The following GRIP2 variants were observed in gnomAD, a reference collection of about 807,000 sequenced individuals.
GRIP2 encodes the protein glutamate receptor interacting protein 2, also known as glutamate receptor-interacting protein 2.
A neutral mutation model predicts 108.3 loss-of-function variants in GRIP2; 58 were observed. That is an observed-to-expected ratio of 0.54 (90% CI 0.43 to 0.67). The LOEUF is 0.67. Ranked by LOEUF, GRIP2 falls within the 30% of genes least tolerant of loss-of-function variation. The probability of loss-of-function intolerance (pLI) is 0.00; values close to 1 mark genes in which losing one functional copy is unlikely to be tolerated. For missense variants in GRIP2, 1,278 were observed against 1,430.6 expected (o/e 0.89, Z 1.72); for synonymous variants, 586 against 598.2 (o/e 0.98, Z 0.30).
chr3:14,535,086 G>A (rs1318956075), intron 1 of GRIP2, among the ~76,000 whole-genome samples: 2 of 152,028 alleles, frequency 1.3e-5, no homozygotes, highest in Non-Finnish European at 2.9e-5. Flanking sequence ...ATGATTTGCA[G>A]GGACGGTGAG....
chr3:14,576,057 T>A, the GRIP2 span, among the ~76,000 whole-genome samples: 1 of 152,122 alleles, frequency 6.6e-6, no homozygotes, highest in African/African-American at 2.4e-5. Context: ...AGGACTGTTG[T>A]GTTATAAAAG....
chr3:14,557,384 C>T (rs768756010), upstream of GRIP2, among the ~76,000 whole-genome samples: 5 of 152,214 alleles, frequency 3.3e-5, no homozygotes, highest in Non-Finnish European at 7.3e-5. Flanking sequence ...TAATTTTAAA[C>T]AAAGACAGAG....
intron 3 of GRIP2, among the ~76,000 whole-genome samples, chr3:14,524,867 C>T (rs1360663284): frequency 1.3e-5 from 2 of 152,206 alleles, no homozygotes; most frequent in South Asian, 4.1e-4. Context: ...TCACCACCAA[C>T]CTTCCTGCTG....
intron 1 of GRIP2, among the ~76,000 whole-genome samples, chr3:14,551,380 T>G (rs1575035998): frequency 6.6e-6 from 1 of 152,302 alleles, no homozygotes; most frequent in East Asian, 1.9e-4. Flanking sequence ...GTTGGGGCAT[T>G]CAGGGAGGAG....
chr3:14,535,915 T>C (rs1376113270), intron 1 of GRIP2, among the ~76,000 whole-genome samples: 1 of 152,208 alleles, frequency 6.6e-6, no homozygotes, highest in African/African-American at 2.4e-5. Context: ...CACTGAGGGC[T>C]GGAACAGGCC....
At chr3:14,504,137 G>C (rs376263300) in intron 20 of GRIP2, among the ~76,000 whole-genome samples, 1 of 152,094 alleles carries the variant, frequency 6.6e-6, no homozygotes, top group Non-Finnish European at 1.5e-5. Context: ...TGGGGAAGGG[G>C]TCGAGACCAC....
chr3:14,589,227 C>G, the GRIP2 span, among the ~76,000 whole-genome samples: 1 of 152,108 alleles, frequency 6.6e-6, no homozygotes, highest in Non-Finnish European at 1.5e-5. Context: ...ACAAATGTAC[C>G]CATCACTCTT....
intron 10 of GRIP2, among the ~76,000 whole-genome samples, chr3:14,517,458 T>C (rs552369400): frequency 6.8e-6 from 1 of 146,588 alleles, no homozygotes; most frequent in East Asian, 2.0e-4. Flanking sequence ...ACTGGCATGC[T>C]AGATGACAAT....
rs974084250 is a variant in GRIP2, at chr3:14,540,009, C to T, written c.40+260G>A. Among the ~76,000 whole-genome samples the T allele has an allele frequency of 1.1e-4, 17 of 152,126 alleles. No individual in the cohort carries two copies. Among genetic ancestry groups the T allele is most frequent in the Non-Finnish European group, 2.2e-4 (15 of 67,996 alleles). ...CCCCTACAAGGCTGAGCACTGCCCT[C>T]GGAACCTCCAGACCCGCCTGTTCTG... On this transcript the variant is annotated intron_variant, in intron 1 of 23. Coordinates refer to ENST00000621039, the MANE Select transcript of GRIP2 (RefSeq NM_001080423.4). This position sits in a 1 kb window ranked among gnomAD's most constrained non-coding sequence, Gnocchi z 4.1.
Position 14,512,728 on chromosome 3 carries a change from A to G in GRIP2, c.1720+49T>C, listed in dbSNP as rs375693337. 1.3e-6 allele frequency: 2 copies of G among 1,551,784 alleles called. No individual in the cohort carries two copies. Among genetic ancestry groups the G allele is most frequent in the Non-Finnish European group, 1.8e-6 (2 of 1,127,224 alleles). On this transcript the variant is annotated intron_variant, in intron 14 of 23. Transcript: ENST00000621039. The surrounding 1 kb of genome is among the most constrained non-coding windows in gnomAD (Gnocchi z 5.1). The stretch of plus-strand genomic sequence containing the variant: ...TGAGCTTGGCAAGCTCTTTTTCCCC[A>G]GCAGTTGAGCTCGCTCCCAGGGGCA...
At chr3:14,506,690 G>T in intron 19 of GRIP2, 111 bp downstream of exon 19, 2 of 1,060,970 alleles carry the variant, frequency 1.9e-6, no homozygotes, top group Non-Finnish European at 1.3e-6. Flanking sequence ...AAGGATGCCA[G>T]GAGAGGAGCG....
chr3:14,509,868 A>G lies in GRIP2; in HGVS notation c.2030T>C (p.Phe677Ser), dbSNP rs772561250. The G allele has an allele frequency of 1.3e-6, 2 of 1,542,128 alleles. No homozygotes were observed. The highest frequency in any genetic ancestry group is 2.5e-5 in the South Asian group (2 of 81,386). Residue 677 changes from phenylalanine (F) to serine (S), a missense_variant, in exon 17 of 24, where the codon TTT becomes TCT. Phe to Ser is a radical substitution (Grantham distance 155, BLOSUM62 -2). Transcript: ENST00000621039. ...GITISGTEEP[F>S]DPIVISGLTK... is the part of the protein sequence containing the mutation. ...GAGGCCTGAGATGACAATGGGGTCA[A>G]AAGGTTCCTCCGTGCCCGAAATGGT...
chr3:14,523,471 A>G lies in GRIP2; in HGVS notation c.490+141T>C, dbSNP rs1469587647. 12 of 650,992 alleles carry G rather than the reference A, an allele frequency of 1.8e-5. No individual in the cohort carries two copies. In the Admixed American group the frequency reaches 2.4e-4, roughly 13 times the overall value. The allele number at this position is 650,992 out of a possible 1,614,324, so 40.3% of individuals were successfully genotyped here. A position where few individuals can be genotyped will look rare whatever the true frequency, so the allele number is the denominator to read the frequency against. ...TGCTTGGCAGATTTTCCCACTGAATACTTACCTTAACGGTCCTGTGTTCTT... is the reference window on the plus strand; with the variant it reads ...TGCTTGGCAGATTTTCCCACTGAATGCTTACCTTAACGGTCCTGTGTTCTT... On this transcript the variant is annotated intron_variant, in intron 5 of 23. Transcript: ENST00000621039.
Position 14,522,944 on chromosome 3 carries a change from G to A in GRIP2, c.566+56C>T, listed in dbSNP as rs965071432. On this transcript the variant is annotated intron_variant, in intron 6 of 23. Transcript: ENST00000621039. The surrounding 1 kb of genome is among the most constrained non-coding windows in gnomAD (Gnocchi z 4.3). Reference sequence around the variant, plus strand: ...ATGGTGACCCCACTCCACCTTCTTCGCAGGGGAGTTGGGGCAGGTCAGTGC... The same window carrying A: ...ATGGTGACCCCACTCCACCTTCTTCACAGGGGAGTTGGGGCAGGTCAGTGC... 8.9e-6 allele frequency: 13 copies of A among 1,453,874 alleles called. No individual in the cohort carries two copies. Among genetic ancestry groups the A allele is most frequent in the Admixed American group, 6.7e-5 (4 of 59,758 alleles). 90.1% of individuals were successfully genotyped at this position (1,453,874 alleles called of 1,614,324 possible).
chr3:14,505,830 A>C lies in GRIP2; in HGVS notation c.2399-41T>G. The C allele has an allele frequency of 6.8e-7, 1 of 1,462,332 alleles. No individual in the cohort carries two copies. Among genetic ancestry groups the C allele is most frequent in the East Asian group, 2.5e-5 (1 of 39,494 alleles). 90.6% of individuals were successfully genotyped at this position (1,462,332 alleles called of 1,614,324 possible). A position where few individuals can be genotyped will look rare whatever the true frequency, so the allele number is the denominator to read the frequency against. ...GGGCCTCTGTGTTCCCTGCGGCCTC[A>C]CCTTGCCCTCCTGCCTGCCCCATTT... On this transcript the variant is annotated intron_variant, in intron 19 of 23. Transcript: ENST00000621039. The surrounding 1 kb of genome is among the most constrained non-coding windows in gnomAD (Gnocchi z 4.2).
chr3:14,558,069 G>A (rs1695263911), upstream of GRIP2, among the ~76,000 whole-genome samples: 1 of 152,230 alleles, frequency 6.6e-6, no homozygotes, highest in South Asian at 2.1e-4. Flanking sequence ...GTGAGGTGAA[G>A]GCAGGAAAGT....
chr3:14,525,289 C>T, intron 3 of GRIP2, 148 bp downstream of exon 3: 1 of 939,018 alleles, frequency 1.1e-6, no homozygotes, highest in Non-Finnish European at 1.6e-6. Context: ...GGAGGCCTTC[C>T]CTCTGCAGAC....
the GRIP2 span, among the ~76,000 whole-genome samples, chr3:14,577,778 G>C: frequency 1.4e-5 from 2 of 147,558 alleles, no homozygotes; most frequent in African/African-American, 2.7e-5. Context: ...ATGTGAGGCT[G>C]GGGGTCCCAC....
chr3:14,550,737 A>G (rs1442089714), intron 1 of GRIP2, among the ~76,000 whole-genome samples: 1 of 152,178 alleles, frequency 6.6e-6, no homozygotes, highest in Non-Finnish European at 1.5e-5. Context: ...CCCAGCTTGA[A>G]TTCCAAATGA....
Sources: gnomAD v4.1 joint callset for allele counts (sites outside exome capture counted in the v4.1 genomes callset) on GRCh38, gnomAD v4.1.1 for gene constraint, Gnocchi (gnomAD v3.1) non-coding constraint, MANE v1.5 for transcripts, NCBI Gene and HGNC (gene_info 2026-07-23, HGNC 2026-07-21) for gene names.